The following TEX11 variants were observed in gnomAD, a reference collection of about 807,000 sequenced individuals.
TEX11 encodes the protein testis-expressed protein 11.
TEX11 carries 7 observed loss-of-function variants against 84.4 expected under a neutral mutation model. The observed-to-expected ratio is 0.08, with a 90% confidence interval of 0.05 to 0.16. TEX11 has a LOEUF of 0.16. TEX11 is among the 10% of genes least tolerant of loss of function. TEX11 has a pLI of 1.00. For synonymous variants in TEX11, 264 were observed against 222.8 expected, an observed-to-expected ratio of 1.18 and a Z score of -1.64; for missense variants, 551 against 660.5, an observed-to-expected ratio of 0.83 and a Z score of 1.82.
chrX:70,792,339 T>A lies in TEX11; in HGVS notation c.692+14366A>T, dbSNP rs1569442887. ...AAATATATATATATATATATATATA[T>A]ATATATATATATATATATACACACA... is the stretch of plus-strand genomic sequence containing the variant. On this transcript the variant is annotated intron_variant, in intron 9 of 29. Transcript: ENST00000374333. Among the ~76,000 whole-genome samples the A allele has an allele frequency of 2.2e-4, 3 of 13,764 alleles. 1 individual carries two copies. The highest frequency in any genetic ancestry group is 8.1e-4 in the African/African-American group (3 of 3,691). 12.0% of individuals were successfully genotyped at this position (13,764 alleles called of 115,157 possible). A position where few individuals can be genotyped will look rare whatever the true frequency, so the allele number is the denominator to read the frequency against.
chrX:70,730,746 C>A (rs180889412), intron 11 of TEX11, among the ~76,000 whole-genome samples: 2 of 111,225 alleles, frequency 1.8e-5, no homozygotes, highest in Non-Finnish European at 3.8e-5. Context: ...CAGATCAACA[C>A]GACAGAAAGT....
Position 70,679,509 on chromosome X carries a change from G to A in TEX11, c.1157-620C>T, listed in dbSNP as rs760420192. ...AGGAAGTGAGGAGCGCCTCTTCCCG[G>A]CCGCCATCCCATCTGGGAAGTGAGG... On this transcript the variant is annotated intron_variant, in intron 14 of 29. Transcript: ENST00000374333. Among the ~76,000 whole-genome samples the A allele has an allele frequency of 7.3e-3, 802 of 109,516 alleles. 6 individuals are homozygous for A. Among genetic ancestry groups the A allele is most frequent in the African/African-American group, 0.024 (724 of 29,901 alleles).
chrX:70,599,019 G>T (rs887530294), intron 24 of TEX11, among the ~76,000 whole-genome samples: 26 of 111,363 alleles, frequency 2.3e-4, no homozygotes, highest in African/African-American at 7.8e-4. Flanking sequence ...CCAATAAATT[G>T]TATACCTAAG....
intron 25 of TEX11, among the ~76,000 whole-genome samples, chrX:70,563,419 G>A (rs1322230968): frequency 3.6e-5 from 4 of 111,899 alleles, no homozygotes; most frequent in Non-Finnish European, 7.5e-5. Context: ...TTTGGAAACC[G>A]TCTTAAAGCA....
At chrX:70,720,771 A>G (rs1318242347) in intron 13 of TEX11, among the ~76,000 whole-genome samples, 1 of 105,003 alleles carries the variant, frequency 9.5e-6, no homozygotes, top group Non-Finnish European at 1.9e-5. Context: ...ATACATATAT[A>G]TAATATATAT....
chrX:70,567,155 T>G (rs1260187303), intron 25 of TEX11, among the ~76,000 whole-genome samples: 2 of 111,212 alleles, frequency 1.8e-5, no homozygotes, highest in African/African-American at 6.5e-5. Context: ...GTCGAGGAAT[T>G]TATCCATTTC....
At chrX:70,642,199 C>T (rs1257553713) in intron 17 of TEX11, among the ~76,000 whole-genome samples, 1 of 111,993 alleles carries the variant, frequency 8.9e-6, no homozygotes, top group Non-Finnish European at 1.9e-5. Context: ...AACACATACA[C>T]TCTTCCAAGA....
At chrX:70,759,254 C>T (rs778660406) in intron 9 of TEX11, among the ~76,000 whole-genome samples, 10 of 111,846 alleles carry the variant, frequency 8.9e-5, no homozygotes, top group Non-Finnish European at 1.7e-4. Flanking sequence ...GGGACTCCTC[C>T]CTAACTCATT....
chrX:70,731,763 C>T (rs2090653612), intron 11 of TEX11, among the ~76,000 whole-genome samples: 1 of 52,681 alleles, frequency 1.9e-5, no homozygotes, highest in African/African-American at 5.6e-5. Context: ...GAAACTATTC[C>T]AATCATAGAA....
intron 11 of TEX11, among the ~76,000 whole-genome samples, chrX:70,734,954 A>G (rs954249773): frequency 8.9e-6 from 1 of 112,446 alleles, no homozygotes; most frequent in African/African-American, 3.2e-5. Flanking sequence ...TATTTAACAT[A>G]GTAATGAATG....
chrX:70,788,969 TATATAGAGAGAGAGAGAGAG>T (rs1351309188), intron 9 of TEX11, among the ~76,000 whole-genome samples: 143 of 24,908 alleles, frequency 5.7e-3, no homozygotes, highest in Non-Finnish European at 6.7e-3. Context: ...TATATATATA[TATATAGAGAGAGAGAGAGAG>T]AGAGAGAGAG....
chrX:70,683,650 T>C (rs1316799702), intron 13 of TEX11, among the ~76,000 whole-genome samples: 1 of 111,282 alleles, frequency 9.0e-6, no homozygotes, highest in East Asian at 2.8e-4. Context: ...CAATGATGTG[T>C]TTTGCAGAAA....
intron 4 of TEX11, among the ~76,000 whole-genome samples, chrX:70,866,688 T>C (rs941510040): frequency 1.8e-5 from 2 of 111,797 alleles, no homozygotes; most frequent in Non-Finnish European, 1.9e-5. Flanking sequence ...ATCAAAAAGC[T>C]TATCTACCAC....
intron 25 of TEX11, among the ~76,000 whole-genome samples, chrX:70,560,308 G>A (rs975884678): frequency 2.7e-5 from 3 of 109,438 alleles, no homozygotes; most frequent in Admixed American, 9.8e-5. Context: ...GTGCCACCAC[G>A]CCCGCTTAAT....
At chrX:70,520,985 C>T in the TEX11 span, among the ~76,000 whole-genome samples, 14 of 112,177 alleles carry the variant, frequency 1.2e-4, no homozygotes, top group South Asian at 2.2e-3. Context: ...TTGCTAAGAC[C>T]GTTGGAAAAG....
intron 13 of TEX11, among the ~76,000 whole-genome samples, chrX:70,689,617 A>G (rs1376968146): frequency 1.8e-5 from 2 of 111,984 alleles, no homozygotes; most frequent in African/African-American, 6.5e-5. Context: ...CAAAGCTAAA[A>G]CAATCTGAAC....
chrX:70,826,133 C>T (rs1272241762), intron 8 of TEX11, among the ~76,000 whole-genome samples: 2 of 110,176 alleles, frequency 1.8e-5, no homozygotes, highest in Non-Finnish European at 3.8e-5. Flanking sequence ...ATGAAACCCC[C>T]CCAACGTCTC....
chrX:70,881,213 G>C (rs778823513), intron 2 of TEX11, among the ~76,000 whole-genome samples: 1 of 107,636 alleles, frequency 9.3e-6, no homozygotes, highest in Non-Finnish European at 1.9e-5. Context: ...TGTAATCCCA[G>C]CTACTGGGGT....
chrX:70,860,374 G>A (rs2091562172), intron 5 of TEX11, among the ~76,000 whole-genome samples: 2 of 111,525 alleles, frequency 1.8e-5, no homozygotes, highest in Admixed American at 9.6e-5. Flanking sequence ...ACACTCTAAG[G>A]TAGATATTAC....
Sources: gnomAD v4.1 joint callset for allele counts (sites outside exome capture counted in the v4.1 genomes callset) on GRCh38, gnomAD v4.1.1 for gene constraint, MANE v1.5 for transcripts, NCBI Gene and HGNC (gene_info 2026-07-23, HGNC 2026-07-21) for gene names.